Variants in TBC1D32 observed in about 807,000 individuals in gnomAD.
The protein encoded by TBC1D32 is TBC1 domain family member 32.
Under a neutral mutation model 170.3 loss-of-function variants are expected in TBC1D32, and 151 were observed. The ratio of observed to expected loss-of-function variants is 0.89; its 90% CI spans 0.78 to 1.01. The LOEUF (loss-of-function observed/expected upper bound fraction) is 1.01. Among genes scored for constraint, TBC1D32 ranks in the 50% least tolerant of loss-of-function variants. TBC1D32 has a pLI of 0.00. For synonymous variants in TBC1D32, 498 were observed against 488.0 expected (o/e 1.02, Z -0.27); for missense variants, 1,464 against 1,457.1 (o/e 1.00, Z -0.08).
chr6:121,170,446 A>C (rs762729425), intron 22 of TBC1D32: 1 of 1,607,212 alleles, frequency 6.2e-7, no homozygotes, highest in Admixed American at 1.7e-5. Flanking sequence ...CTTCTTGAGC[A>C]TTTAGTAACA....
In TBC1D32 at chr6:121,205,145, T is replaced by G; in HGVS notation, c.2500A>C (p.Ile834Leu). Residue 834 changes from isoleucine to leucine, a missense_variant, in exon 22 of 32, where the codon ATA becomes CTA. Coordinates refer to ENST00000398212, the MANE Select transcript of TBC1D32 (RefSeq NM_152730.6). Reference sequence around the variant, plus strand: ...ATCTTAGCTTCAGAATTCAAAATTATAAGTCTATCAATAATATCCTGAAAA... The same window carrying G: ...ATCTTAGCTTCAGAATTCAAAATTAGAAGTCTATCAATAATATCCTGAAAA... Reference protein sequence around the residue: ...TCVIDIIDRLIILNSEAKIRS... With the variant: ...TCVIDIIDRLLILNSEAKIRS... 6.7e-7 allele frequency: 1 copy of G among 1,497,152 alleles called. No homozygotes were observed. Among genetic ancestry groups the G allele is most frequent in the Non-Finnish European group, 9.1e-7 (1 of 1,096,536 alleles). 92.7% of individuals were successfully genotyped at this position (1,497,152 alleles called of 1,614,324 possible). A position where few individuals can be genotyped will look rare whatever the true frequency, so the allele number is the denominator to read the frequency against.
At chr6:121,222,258 GA>G (rs1428416787) in intron 21 of TBC1D32, among the ~76,000 whole-genome samples, 1 of 152,066 alleles carries the variant, frequency 6.6e-6, no homozygotes, top group African/African-American at 2.4e-5. Flanking sequence ...TTTTACATGG[GA>G]AAACAAAAAA....
chr6:121,157,294 T>A (rs554379588), intron 24 of TBC1D32, among the ~76,000 whole-genome samples: 1 of 152,166 alleles, frequency 6.6e-6, no homozygotes, highest in African/African-American at 2.4e-5. Context: ...TTGTTGTTGG[T>A]TAAAAGTCTA....
At chr6:121,265,832 C>T (rs1397716424) in intron 15 of TBC1D32, among the ~76,000 whole-genome samples, 1 of 151,972 alleles carries the variant, frequency 6.6e-6, no homozygotes, top group Non-Finnish European at 1.5e-5. Context: ...GAAAGGAATC[C>T]CTATCTAATA....
intron 10 of TBC1D32, among the ~76,000 whole-genome samples, chr6:121,297,125 C>A (rs1805771429): frequency 6.6e-6 from 1 of 152,004 alleles, no homozygotes; most frequent in Admixed American, 6.6e-5. Context: ...AGGACATGAA[C>A]AATCACATTA....
At chr6:121,313,108 GTGTGTGTGTGTGTGT>G (rs1563362683) in intron 3 of TBC1D32, among the ~76,000 whole-genome samples, 10 of 1,300 alleles carry the variant, frequency 7.7e-3, no homozygotes, top group African/African-American at 0.012. Flanking sequence ...CTAAGGTGGT[GTGTGTGTGTGTGTGT>G]GTGTGTGTGT....
At chr6:121,116,915 T>G (rs906586901) in intron 26 of TBC1D32, among the ~76,000 whole-genome samples, 4 of 152,090 alleles carry the variant, frequency 2.6e-5, no homozygotes, top group Non-Finnish European at 5.9e-5. Flanking sequence ...GAGTAAAAAA[T>G]TAACTCTGAA....
At chr6:121,237,101 G>A (rs1324093045) in intron 20 of TBC1D32, 1 of 151,746 alleles carries the variant, frequency 6.6e-6, no homozygotes, top group African/African-American at 2.4e-5. Context: ...CTTAGCCTTT[G>A]TTTATTTTAA....
rs997789274 is a variant in TBC1D32, at chr6:121,265,754, G to A, written c.1734-9469C>T. On this transcript the variant is annotated intron_variant, in intron 15 of 31. Transcript: ENST00000398212. ...TATAGACCAATGGAAAAGAATAGAG[G>A]CCTCAGAAATAAGACCACATCTACA... Among the ~76,000 whole-genome samples, 5 of 152,000 alleles carry A rather than the reference G, an allele frequency of 3.3e-5. No homozygotes were observed. The South Asian group carries it at 1.0e-3, about 32-fold the overall frequency.
chr6:121,263,600 T>C (rs1442902956), intron 15 of TBC1D32, among the ~76,000 whole-genome samples: 1 of 152,178 alleles, frequency 6.6e-6, no homozygotes, highest in Non-Finnish European at 1.5e-5. Flanking sequence ...GAGGACCTAA[T>C]AGATATCTAC....
intron 30 of TBC1D32, among the ~76,000 whole-genome samples, chr6:121,093,275 T>C (rs953989062): frequency 6.6e-6 from 1 of 152,188 alleles, no homozygotes; most frequent in East Asian, 1.9e-4. Context: ...GTAATATGGC[T>C]CTAGTGGACT....
At chr6:121,114,544 A>G (rs1779504865) in intron 27 of TBC1D32, among the ~76,000 whole-genome samples, 1 of 152,142 alleles carries the variant, frequency 6.6e-6, no homozygotes, top group African/African-American at 2.4e-5. Context: ...TAAAAAAATC[A>G]CTTTCATCAT....
intron 22 of TBC1D32, among the ~76,000 whole-genome samples, chr6:121,178,813 A>G (rs140037976): frequency 6.6e-6 from 1 of 152,354 alleles, no homozygotes; most frequent in East Asian, 1.9e-4. Context: ...AAGGACCTCC[A>G]GACTTTAGCT....
At position 121,080,874 on chromosome 6, in the gene TBC1D32, C is replaced by T; in HGVS notation, c.3671G>A (p.Gly1224Glu). ...QVFLKEEALH[G>E]FRVSDYFEYM... ...TTCAAAATAATCACTCACTCGAAAC[C>T]CATGCAGTGCTTCTTCCTGCCAAAA... is the stretch of plus-strand genomic sequence containing the variant. The change falls in exon 32 of 32, where the codon GGG becomes GAG. Residue 1224 changes from glycine (G) to glutamate (E), a missense_variant. This residue lies in a region of TBC1D32 where 97 missense variants were observed against 102.0 expected (regional missense o/e 0.95). Transcript: ENST00000398212. 6.2e-7 allele frequency: 1 copy of T among 1,611,472 alleles called. No homozygotes were observed. Among genetic ancestry groups the T allele is most frequent in the Non-Finnish European group, 8.5e-7 (1 of 1,179,282 alleles).
At chr6:121,303,785 T>C in intron 8 of TBC1D32, 24 bp from the exon 9 acceptor site, 2 of 1,477,752 alleles carry the variant, frequency 1.4e-6, no homozygotes, top group South Asian at 1.4e-5. Context: ...AAAAAAGAAA[T>C]ACAATTACAC....
chr6:121,093,317 T>C (rs79624115), intron 30 of TBC1D32, among the ~76,000 whole-genome samples: 488 of 152,234 alleles, frequency 3.2e-3, no homozygotes, highest in African/African-American at 0.011. Context: ...CCCTCTCGAC[T>C]AGGCAGACTG....
In TBC1D32 at chr6:121,223,326, T is replaced by A. The variant is rs1794723955; in HGVS notation, c.2391A>T (p.Leu797Phe). 1.3e-6 allele frequency: 2 copies of A among 1,595,718 alleles called. No homozygotes were observed. The highest frequency in any genetic ancestry group is 1.7e-6 in the Non-Finnish European group (2 of 1,174,332). The change falls in exon 21 of 32, where the codon TTA becomes TTT. Residue 797 changes from leucine (L) to phenylalanine (F), a missense_variant. Physicochemically the swap from Leu to Phe is conservative, Grantham distance 22. Around this residue, in one of 3 missense-constraint regions of TBC1D32, gnomAD observed 1,363 missense variants for 1,338.1 expected, o/e 1.02. Transcript: ENST00000398212. ...CAAGCTCATAAATAGCAGGATAGGA[T>A]AACAAGTTCACCAGTGCTAAAAAAG... ...QKSFLALVNL[L>F]SYPAIYELVR...
intron 17 of TBC1D32, among the ~76,000 whole-genome samples, chr6:121,243,773 T>C (rs944477312): frequency 6.8e-5 from 10 of 147,322 alleles, no homozygotes; most frequent in Non-Finnish European, 9.0e-5. Flanking sequence ...CAAAATAAAA[T>C]AGTAAAAACA....
chr6:121,255,289 A>G (rs1418175665), intron 17 of TBC1D32, 39 bp downstream of exon 17: 3 of 1,225,684 alleles, frequency 2.4e-6, no homozygotes, highest in African/African-American at 1.5e-5. Context: ...TTATTTCAGC[A>G]AATATAATAA....
Sources: gnomAD v4.1 joint callset for allele counts (sites outside exome capture counted in the v4.1 genomes callset) on GRCh38, gnomAD v4.1.1 for gene constraint, gnomAD v4.1.1 regional missense constraint, MANE v1.5 for transcripts, NCBI Gene and HGNC (gene_info 2026-07-23, HGNC 2026-07-21) for gene names.